ARHGAP12: variants seen among roughly 807,000 people sequenced by gnomAD.
ARHGAP12 encodes rho GTPase-activating protein 12.
ARHGAP12 carries 64 observed loss-of-function variants against 108.6 expected under a neutral mutation model. That is an observed-to-expected ratio of 0.59 (90% CI 0.48 to 0.73). The LOEUF is 0.73. ARHGAP12 is among the 30% of genes least tolerant of loss of function. The pLI, the probability that ARHGAP12 is intolerant of heterozygous loss-of-function variation, is 0.00. For synonymous variants in ARHGAP12, 312 were observed against 337.2 expected (o/e 0.93, Z 0.82); for missense variants, 940 against 1,005.9 (o/e 0.93, Z 0.89).
Position 31,892,964 on chromosome 10 carries a change from C to T in ARHGAP12, c.684+15208G>A, listed in dbSNP as rs569383313. 3.3e-5 allele frequency among the ~76,000 whole-genome samples: 5 copies of T among 152,266 alleles called. No homozygotes were observed. In the South Asian group the frequency reaches 8.3e-4, roughly 25 times the overall value. On this transcript the variant is annotated intron_variant, in intron 3 of 19. Transcript: ENST00000344936. ...AAGAAACTCACTGAAAACCGCTCAA[C>T]TACATGGAAACTGAACAACCTGCTC...
chr10:31,821,576 T>G lies in ARHGAP12; in HGVS notation c.1531-1088A>C, dbSNP rs145112392. Among the ~76,000 whole-genome samples, 60 of 152,314 alleles carry G rather than the reference T, an allele frequency of 3.9e-4. No individual in the cohort carries two copies. In the East Asian group the frequency reaches 0.011, roughly 27 times the overall value. ...CATTAGAAATTATCTTACCCAACTT[T>G]GTGATAACTTATTCACTATTTGTAA... On this transcript the variant is annotated intron_variant, in intron 11 of 19. Coordinates refer to ENST00000344936, the MANE Select transcript of ARHGAP12 (RefSeq NM_018287.7).
chr10:31,919,220 G>A (rs1439163847), intron 1 of ARHGAP12, among the ~76,000 whole-genome samples: 1 of 152,158 alleles, frequency 6.6e-6, no homozygotes, highest in Non-Finnish European at 1.5e-5. Flanking sequence ...AAGGGATGGA[G>A]AAAGACAGCA....
intron 7 of ARHGAP12, 118 bp from the exon 8 acceptor site, chr10:31,839,829 G>A (rs186563838): frequency 1.6e-5 from 11 of 684,356 alleles, no homozygotes; most frequent in East Asian, 9.3e-5. Context: ...CGTTATTTTC[G>A]TTCTATATTC....
intron 1 of ARHGAP12, among the ~76,000 whole-genome samples, chr10:31,920,544 T>C (rs554939176): frequency 1.3e-5 from 2 of 151,234 alleles, no homozygotes; most frequent in South Asian, 2.1e-4. Context: ...CATTTTGTCA[T>C]CTACTGGAAA....
At chr10:31,927,541 G>C (rs61463172) in intron 1 of ARHGAP12, among the ~76,000 whole-genome samples, 28,963 of 152,050 alleles carry the variant, frequency 0.19, 3,245 homozygotes, top group East Asian at 0.4. Context: ...TGCCTAAATA[G>C]TCGATAAAAT....
At chr10:31,877,365 A>G (rs1837769990) in intron 3 of ARHGAP12, among the ~76,000 whole-genome samples, 1 of 152,256 alleles carries the variant, frequency 6.6e-6, no homozygotes, top group Admixed American at 6.5e-5. Flanking sequence ...CTATACTATT[A>G]TAAAGTATCC....
chr10:31,886,611 T>C (rs1838198568), intron 3 of ARHGAP12, among the ~76,000 whole-genome samples: 2 of 152,188 alleles, frequency 1.3e-5, no homozygotes, highest in African/African-American at 2.4e-5. Flanking sequence ...TTCCAAAAGA[T>C]AGATATACTC....
chr10:31,920,133 A>C (rs1223423422), intron 1 of ARHGAP12, among the ~76,000 whole-genome samples: 1 of 151,040 alleles, frequency 6.6e-6, no homozygotes. Context: ...AATACTAAAA[A>C]GCAAACAAAC....
rs192993097 is a variant in ARHGAP12, at chr10:31,898,078, C to A, written c.684+10094G>T. On this transcript the variant is annotated intron_variant, in intron 3 of 19. Coordinates refer to ENST00000344936, the MANE Select transcript of ARHGAP12 (RefSeq NM_018287.7). The stretch of plus-strand genomic sequence containing the variant: ...GGTCAAGGCTGCAGTGAGCCATGAT[C>A]GCACCACTGCACTCCATCCTGGGCA... Among the ~76,000 whole-genome samples the A allele has an allele frequency of 2.0e-5, 3 of 152,190 alleles. No individual in the cohort carries two copies. In the South Asian group the frequency reaches 6.2e-4, roughly 32 times the overall value.
chr10:31,909,476 T>A (rs1427966346), intron 2 of ARHGAP12, among the ~76,000 whole-genome samples: 6 of 152,174 alleles, frequency 3.9e-5, no homozygotes, highest in African/African-American at 1.2e-4. Context: ...ACAGTTCAAG[T>A]CCTAACCCCA....
At chr10:31,888,179 C>T (rs1838259937) in intron 3 of ARHGAP12, among the ~76,000 whole-genome samples, 1 of 152,148 alleles carries the variant, frequency 6.6e-6, no homozygotes, top group African/African-American at 2.4e-5. Context: ...TGACAGACAA[C>T]TGCTATTTTG....
chr10:31,865,641 T>C (rs1015471231), intron 3 of ARHGAP12, among the ~76,000 whole-genome samples: 1 of 151,984 alleles, frequency 6.6e-6, no homozygotes, highest in African/African-American at 2.4e-5. Context: ...TTTGGGAGGC[T>C]GAAGCCGGTG....
intron 1 of ARHGAP12, among the ~76,000 whole-genome samples, chr10:31,921,920 T>C (rs552854582): frequency 6.6e-6 from 1 of 151,578 alleles, no homozygotes; most frequent in Admixed American, 6.6e-5. Flanking sequence ...CCAGGTGCAA[T>C]GGCTCACACC....
intron 1 of ARHGAP12, among the ~76,000 whole-genome samples, chr10:31,928,261 C>G (rs1183932742): frequency 1.3e-5 from 2 of 151,834 alleles, no homozygotes; most frequent in East Asian, 1.9e-4. Flanking sequence ...CACGCACACA[C>G]CCGCCTTGTG....
In ARHGAP12 at chr10:31,808,770, C is replaced by T. The variant is rs779947110; in HGVS notation, c.2264-19G>A. On this transcript the variant is annotated intron_variant, in intron 18 of 19. Coordinates refer to ENST00000344936, the MANE Select transcript of ARHGAP12 (RefSeq NM_018287.7). ...TCTTGCTCTGAAAAAAGATAATAAC[C>T]AGATATTTTACAGCAAATTCTTATG... is the stretch of plus-strand genomic sequence containing the variant. 9.9e-6 allele frequency: 16 copies of T among 1,610,020 alleles called. No individual in the cohort carries two copies. The Admixed American group carries it at 2.7e-4, about 27-fold the overall frequency.
intron 6 of ARHGAP12, among the ~76,000 whole-genome samples, chr10:31,850,235 T>A (rs992262447): frequency 1.3e-5 from 2 of 152,222 alleles, no homozygotes; most frequent in Non-Finnish European, 2.9e-5. Context: ...TTAATTATTG[T>A]ATTAATAAAA....
intron 12 of ARHGAP12, 90 bp from the exon 13 acceptor site, chr10:31,817,976 C>T (rs2132160835): frequency 1.1e-6 from 1 of 889,860 alleles, no homozygotes; most frequent in Non-Finnish European, 1.8e-6. Context: ...GTTAACAAAA[C>T]CACCAAGAGT....
intron 1 of ARHGAP12, among the ~76,000 whole-genome samples, chr10:31,912,386 T>C (rs982672729): frequency 6.6e-6 from 1 of 152,190 alleles, no homozygotes; most frequent in African/African-American, 2.4e-5. Context: ...GGTTTCACAC[T>C]AGTGGGAGAG....
chr10:31,824,254 GTT>G (rs763855515), intron 11 of ARHGAP12, among the ~76,000 whole-genome samples: 62 of 152,002 alleles, frequency 4.1e-4, no homozygotes, highest in Admixed American at 3.1e-3. Context: ...CTTTAATCTT[GTT>G]TAGTCTTTAC....
Sources: gnomAD v4.1 joint callset for allele counts (sites outside exome capture counted in the v4.1 genomes callset) on GRCh38, gnomAD v4.1.1 for gene constraint, MANE v1.5 for transcripts, NCBI Gene and HGNC (gene_info 2026-07-23, HGNC 2026-07-21) for gene names.